Variants in BAIAP2L1 observed in about 807,000 individuals in gnomAD.
BAIAP2L1 encodes BAR/IMD domain containing adaptor protein 2 like 1, also known as BAR/IMD domain-containing adapter protein 2-like 1.
A neutral mutation model predicts 66.3 loss-of-function variants in BAIAP2L1; 35 were observed. That is an observed-to-expected ratio of 0.53 (90% CI 0.40 to 0.70). The LOEUF (loss-of-function observed/expected upper bound fraction) is 0.70. Ranked by LOEUF, BAIAP2L1 falls within the 30% of genes least tolerant of loss-of-function variation. The pLI, the probability that BAIAP2L1 is intolerant of heterozygous loss-of-function variation, is 0.00. For missense variants in BAIAP2L1, 622 were observed against 656.9 expected (o/e 0.95, Z 0.58); for synonymous variants, 269 against 248.7 (o/e 1.08, Z -0.77).
intron 2 of BAIAP2L1, among the ~76,000 whole-genome samples, chr7:98,356,748 AGG>A (rs1461399501): frequency 6.7e-6 from 1 of 149,052 alleles, no homozygotes; most frequent in African/African-American, 2.5e-5. Context: ...AGGCTGAGGT[AGG>A]AGGATCACTT....
intron 1 of BAIAP2L1, among the ~76,000 whole-genome samples, chr7:98,378,780 C>A (rs1802690098): frequency 6.6e-6 from 1 of 151,870 alleles, no homozygotes. Flanking sequence ...GGACTATAGG[C>A]ACACGCCACC....
At position 98,400,944 on chromosome 7, in the gene BAIAP2L1, A is replaced by G; in HGVS notation, c.-92T>C. ...GCAGCGGGAGGGCCGGGGCGCGACT[A>G]AGGGGCTCTGGAGGGTCGGCCGCCG... On this transcript the variant is annotated 5_prime_UTR_variant, in exon 1 of 14. Coordinates refer to ENST00000005260, the MANE Select transcript of BAIAP2L1 (RefSeq NM_018842.5). 1 of 1,287,054 alleles carries G rather than the reference A, an allele frequency of 7.8e-7. No individual in the cohort carries two copies. Among genetic ancestry groups the G allele is most frequent in the Non-Finnish European group, 1.0e-6 (1 of 978,292 alleles). 79.7% of individuals were successfully genotyped at this position (1,287,054 alleles called of 1,614,324 possible).
At position 98,379,881 on chromosome 7, in the gene BAIAP2L1, T is replaced by C. The variant is rs369064004; in HGVS notation, c.52-17449A>G. Among the ~76,000 whole-genome samples, 173 of 152,230 alleles carry C rather than the reference T, an allele frequency of 1.1e-3. 1 individual carries two copies. Among genetic ancestry groups the C allele is most frequent in the African/African-American group, 3.9e-3 (160 of 41,542 alleles). On this transcript the variant is annotated intron_variant, in intron 1 of 13. Transcript: ENST00000005260. ...CAAATCTGTAGAGACAGAAAATCTATTAGTGGTTGCCTGGAGCTGGAAGCG... is the reference window on the plus strand; with the variant it reads ...CAAATCTGTAGAGACAGAAAATCTACTAGTGGTTGCCTGGAGCTGGAAGCG...
chr7:98,372,169 G>A (rs534705890), intron 1 of BAIAP2L1, among the ~76,000 whole-genome samples: 20 of 152,100 alleles, frequency 1.3e-4, no homozygotes, highest in African/African-American at 4.3e-4. Context: ...CACTTTGGGA[G>A]GCAAGGCGGT....
intron 12 of BAIAP2L1, 110 bp from the exon 13 acceptor site, chr7:98,294,221 G>C: frequency 9.0e-7 from 1 of 1,107,096 alleles, no homozygotes; most frequent in Non-Finnish European, 1.3e-6. Flanking sequence ...TCGAACTCCT[G>C]AGCTCACGTG....
intron 10 of BAIAP2L1, chr7:98,306,733 G>A: frequency 1.6e-6 from 1 of 636,686 alleles, no homozygotes; most frequent in Non-Finnish European, 2.5e-6. Context: ...ATAGAGACAG[G>A]GTCTCGCTCT....
chr7:98,399,268 T>A (rs1173373996), intron 1 of BAIAP2L1, among the ~76,000 whole-genome samples: 1 of 152,220 alleles, frequency 6.6e-6, no homozygotes, highest in Non-Finnish European at 1.5e-5. Flanking sequence ...CAACTGTGTC[T>A]ACTCTCCCTA....
At chr7:98,344,318 CTCTTA>C (rs1218632013) in intron 3 of BAIAP2L1, among the ~76,000 whole-genome samples, 3 of 152,218 alleles carry the variant, frequency 2.0e-5, no homozygotes, top group African/African-American at 7.2e-5. Context: ...TATATGTTAA[CTCTTA>C]TCTTCAAGTC....
chr7:98,343,726 G>A (rs927826821), intron 3 of BAIAP2L1, among the ~76,000 whole-genome samples: 3 of 152,178 alleles, frequency 2.0e-5, no homozygotes, highest in African/African-American at 7.2e-5. Context: ...ATTGAAGCAA[G>A]CAACTGTATG....
At chr7:98,303,200 G>C (rs1018107859) in intron 12 of BAIAP2L1, among the ~76,000 whole-genome samples, 8 of 152,198 alleles carry the variant, frequency 5.3e-5, no homozygotes, top group African/African-American at 1.9e-4. Context: ...CTCACGCGTA[G>C]GTCTGGGGCA....
chr7:98,337,645 C>T (rs773209640), intron 3 of BAIAP2L1, among the ~76,000 whole-genome samples: 4 of 152,180 alleles, frequency 2.6e-5, no homozygotes, highest in African/African-American at 9.7e-5. Context: ...TGGCCGGGCG[C>T]GGTGGCTCAC....
chr7:98,293,389 G>T lies in BAIAP2L1; in HGVS notation c.*132C>A. 1.2e-6 allele frequency: 1 copy of T among 807,098 alleles called. No individual in the cohort carries two copies. Among genetic ancestry groups the T allele is most frequent in the Non-Finnish European group, 2.0e-6 (1 of 493,488 alleles). 50.0% of individuals were successfully genotyped at this position (807,098 alleles called of 1,614,324 possible). A position where few individuals can be genotyped will look rare whatever the true frequency, so the allele number is the denominator to read the frequency against. On this transcript the variant is annotated 3_prime_UTR_variant, in exon 14 of 14. Transcript: ENST00000005260. The stretch of plus-strand genomic sequence containing the variant: ...TACGTGAAACAGAGAAGCATGATTT[G>T]CTTAAGCAGGCGACATTAGAGTTAG...
chr7:98,339,738 C>A (rs1487075445), intron 3 of BAIAP2L1, among the ~76,000 whole-genome samples: 1 of 152,250 alleles, frequency 6.6e-6, no homozygotes, highest in Non-Finnish European at 1.5e-5. Flanking sequence ...AACCCCACTC[C>A]CCAATTTGGG....
At chr7:98,396,143 T>A (rs1248084588) in intron 1 of BAIAP2L1, among the ~76,000 whole-genome samples, 1 of 152,144 alleles carries the variant, frequency 6.6e-6, no homozygotes, top group East Asian at 1.9e-4. Flanking sequence ...ACCATTTCAG[T>A]ACTGCAACCT....
rs375107527 is a variant in BAIAP2L1 at position 98,393,175 on chromosome 7, A to ATACACACATGTG, written c.51+7626_51+7627insCACATGTGTGTA. Reference sequence around the variant, plus strand: ...TATATGTACACATATATGTATATATATACATATATGTGTGTGTTTATATAT... The same window carrying ATACACACATGTG: ...TATATGTACACATATATGTATATATATACACACATGTGTACATATATGTGTGTGTTTATATAT... On this transcript the variant is annotated intron_variant, in intron 1 of 13. Transcript: ENST00000005260. Among the ~76,000 whole-genome samples the ATACACACATGTG allele has an allele frequency of 2.0e-4, 28 of 138,126 alleles. No individual in the cohort carries two copies. In the East Asian group the frequency reaches 2.9e-3, roughly 14 times the overall value. 90.6% of individuals were successfully genotyped at this position (138,126 alleles called of 152,430 possible).
chr7:98,348,776 C>T (rs1801934054), intron 3 of BAIAP2L1, among the ~76,000 whole-genome samples: 1 of 152,158 alleles, frequency 6.6e-6, no homozygotes. Flanking sequence ...CATCTAATGA[C>T]CTGGAAGGCG....
intron 1 of BAIAP2L1, among the ~76,000 whole-genome samples, chr7:98,372,929 G>T (rs1802543427): frequency 6.6e-6 from 1 of 151,992 alleles, no homozygotes; most frequent in Non-Finnish European, 1.5e-5. Context: ...TGGTAGAGAT[G>T]GGGTTTCGCC....
At chr7:98,392,918 G>A (rs180749253) in intron 1 of BAIAP2L1, among the ~76,000 whole-genome samples, 3 of 150,360 alleles carry the variant, frequency 2.0e-5, no homozygotes, top group East Asian at 4.0e-4. Flanking sequence ...TCAGCATCCC[G>A]AGTAGCTGGA....
chr7:98,326,479 T>A (rs1367429301), intron 3 of BAIAP2L1, among the ~76,000 whole-genome samples: 1 of 152,140 alleles, frequency 6.6e-6, no homozygotes, highest in Admixed American at 6.5e-5. Flanking sequence ...ACTAACTAAC[T>A]TAACTAACTA....
Sources: gnomAD v4.1 joint callset for allele counts (sites outside exome capture counted in the v4.1 genomes callset) on GRCh38, gnomAD v4.1.1 for gene constraint, MANE v1.5 for transcripts, NCBI Gene and HGNC (gene_info 2026-07-23, HGNC 2026-07-21) for gene names.